DLG2: variants seen among roughly 807,000 people sequenced by gnomAD.
The protein encoded by DLG2 is discs large MAGUK scaffold protein 2.
DLG2 carries 45 observed loss-of-function variants against 132.5 expected under a neutral mutation model. That is an observed-to-expected ratio of 0.34 (90% CI 0.27 to 0.44). The LOEUF (loss-of-function observed/expected upper bound fraction) is 0.44, where lower values mean the gene tolerates loss of function less well. Among genes scored for constraint, DLG2 ranks in the 20% least tolerant of loss-of-function variants. The pLI is 1.00. For missense variants in DLG2, 1,045 were observed against 1,196.9 expected (o/e 0.87, Z 1.87); for synonymous variants, 424 against 419.6 (o/e 1.01, Z -0.13).
intron 19 of DLG2, among the ~76,000 whole-genome samples, chr11:83,559,498 T>G (rs1287865258): frequency 6.6e-6 from 1 of 152,124 alleles, no homozygotes; most frequent in Non-Finnish European, 1.5e-5. Context: ...AAATGAGAAT[T>G]TACACTTAGG....
At chr11:84,401,884 T>A (rs2098830928) in intron 7 of DLG2, among the ~76,000 whole-genome samples, 1 of 152,192 alleles carries the variant, frequency 6.6e-6, no homozygotes, top group Non-Finnish European at 1.5e-5. Context: ...TTCACGTCAC[T>A]TTTTAGCATA....
chr11:84,523,230 AG>A (rs1274021655), intron 7 of DLG2, among the ~76,000 whole-genome samples: 1 of 152,186 alleles, frequency 6.6e-6, no homozygotes, highest in African/African-American at 2.4e-5. Flanking sequence ...AGCAACTACT[AG>A]GCGCCAAGTA....
At chr11:85,506,073 T>A (rs2093925251) in intron 3 of DLG2, among the ~76,000 whole-genome samples, 1 of 152,240 alleles carries the variant, frequency 6.6e-6, no homozygotes, top group African/African-American at 2.4e-5. Flanking sequence ...ATATCCCCTT[T>A]ATCATTTTTT....
At chr11:83,991,217 C>A (rs371805563) in intron 11 of DLG2, among the ~76,000 whole-genome samples, 1 of 152,174 alleles carries the variant, frequency 6.6e-6, no homozygotes, top group Admixed American at 6.6e-5. Context: ...AAGACAAAAT[C>A]TGAGGTTGAA....
chr11:84,787,864 C>T (rs932067406), intron 6 of DLG2, among the ~76,000 whole-genome samples: 9 of 150,598 alleles, frequency 6.0e-5, no homozygotes, highest in Non-Finnish European at 1.0e-4. Flanking sequence ...TTTGGGAGGC[C>T]GAGACAGGTG....
intron 8 of DLG2, among the ~76,000 whole-genome samples, chr11:84,192,380 G>A (rs185910743): frequency 2.0e-5 from 3 of 152,284 alleles, no homozygotes; most frequent in African/African-American, 4.8e-5. Context: ...CTACATGCAC[G>A]TAAAGAATAT....
chr11:84,627,505 C>A lies in DLG2; in HGVS notation c.358-92774G>T, dbSNP rs890507230. On this transcript the variant is annotated intron_variant, in intron 6 of 27. Coordinates refer to ENST00000376104, the MANE Select transcript of DLG2 (RefSeq NM_001142699.3). Reference sequence around the variant, plus strand: ...GAACAAATTTTGTAGCATTCTCCCCCAGAGTACTGCAGCGGAAATTTCAGC... The same window carrying A: ...GAACAAATTTTGTAGCATTCTCCCCAAGAGTACTGCAGCGGAAATTTCAGC... Among the ~76,000 whole-genome samples the A allele has an allele frequency of 2.0e-5, 3 of 152,182 alleles. No individual in the cohort carries two copies. The East Asian group carries it at 5.8e-4, about 29-fold the overall frequency.
At chr11:85,398,688 T>C (rs559485322) in intron 3 of DLG2, among the ~76,000 whole-genome samples, 2 of 152,172 alleles carry the variant, frequency 1.3e-5, no homozygotes, top group African/African-American at 4.8e-5. Flanking sequence ...AAGAAATGGA[T>C]AAATTCCTGG....
At chr11:85,157,910 C>G (rs1434509991) in intron 4 of DLG2, among the ~76,000 whole-genome samples, 1 of 152,060 alleles carries the variant, frequency 6.6e-6, no homozygotes, top group Non-Finnish European at 1.5e-5. Flanking sequence ...CATCCCCTCC[C>G]CGACCCATTA....
intron 6 of DLG2, among the ~76,000 whole-genome samples, chr11:85,087,844 C>CAAAAAA (rs71465019): frequency 7.3e-4 from 16 of 22,016 alleles, no homozygotes; most frequent in Admixed American, 1.6e-3. Context: ...GACTCCGTCT[C>CAAAAAA]AAAAAAAAAA....
At chr11:84,170,161 G>A in intron 8 of DLG2, among the ~76,000 whole-genome samples, 1 of 152,094 alleles carries the variant, frequency 6.6e-6, no homozygotes, top group East Asian at 1.9e-4. Context: ...TCCAAAAATT[G>A]AGTTGTGTTT....
intron 22 of DLG2, chr11:83,483,370 G>A: frequency 4.1e-6 from 5 of 1,223,574 alleles, no homozygotes; most frequent in Non-Finnish European, 6.1e-6. Context: ...AGAAGTCAGT[G>A]GAGTTGAAAT....
At chr11:84,712,431 T>C (rs564000361) in intron 6 of DLG2, among the ~76,000 whole-genome samples, 1 of 152,182 alleles carries the variant, frequency 6.6e-6, no homozygotes, top group East Asian at 1.9e-4. Context: ...AGCTCATTTT[T>C]CATTTTCTCT....
chr11:84,774,190 C>A (rs1187976615), intron 6 of DLG2, among the ~76,000 whole-genome samples: 1 of 151,418 alleles, frequency 6.6e-6, no homozygotes, highest in African/African-American at 2.4e-5. Flanking sequence ...TTACAATAGC[C>A]AAAAATAAAT....
intron 6 of DLG2, among the ~76,000 whole-genome samples, chr11:84,665,800 C>A (rs893866364): frequency 2.0e-5 from 3 of 152,072 alleles, no homozygotes; most frequent in Admixed American, 6.6e-5. Flanking sequence ...GTGCTTGATA[C>A]CTAGTCAATG....
At chr11:84,871,711 G>T (rs1485639530) in intron 6 of DLG2, among the ~76,000 whole-genome samples, 1 of 151,246 alleles carries the variant, frequency 6.6e-6, no homozygotes, top group Non-Finnish European at 1.5e-5. Flanking sequence ...TCATTTCATT[G>T]TTTATTTATT....
At chr11:84,806,099 C>T (rs2075967682) in intron 6 of DLG2, among the ~76,000 whole-genome samples, 1 of 152,010 alleles carries the variant, frequency 6.6e-6, no homozygotes, top group African/African-American at 2.4e-5. Flanking sequence ...ACAAAAGAAA[C>T]AATCAGTGAA....
chr11:83,967,025 T>C (rs2154161290), intron 12 of DLG2, among the ~76,000 whole-genome samples: 1 of 152,242 alleles, frequency 6.6e-6, no homozygotes, highest in South Asian at 2.1e-4. Flanking sequence ...TCATTTAGCA[T>C]AATGCCCTCC....
chr11:85,126,844 C>A (rs769330486), intron 5 of DLG2, among the ~76,000 whole-genome samples: 6 of 152,190 alleles, frequency 3.9e-5, no homozygotes, highest in Non-Finnish European at 7.3e-5. Context: ...TCACCGAATT[C>A]TTAAAACAAC....
Sources: gnomAD v4.1 joint callset for allele counts (sites outside exome capture counted in the v4.1 genomes callset) on GRCh38, gnomAD v4.1.1 for gene constraint, MANE v1.5 for transcripts, NCBI Gene and HGNC (gene_info 2026-07-23, HGNC 2026-07-21) for gene names.